The following COL13A1 variants were observed in gnomAD, a reference collection of about 807,000 sequenced individuals.
COL13A1 encodes collagen type XIII alpha 1 chain, also known as collagen alpha-1(XIII) chain.
Under a neutral mutation model 130.9 loss-of-function variants are expected in COL13A1, and 89 were observed. The ratio of observed to expected loss-of-function variants is 0.68; its 90% CI spans 0.57 to 0.81. The LOEUF is 0.81. Ranked by LOEUF, COL13A1 falls within the 30% of genes least tolerant of loss-of-function variation. The pLI, the probability that COL13A1 is intolerant of heterozygous loss-of-function variation, is 0.00. For synonymous variants in COL13A1, 402 were observed against 341.6 expected, an observed-to-expected ratio of 1.18 and a Z score of -1.95; for missense variants, 879 against 934.6, an observed-to-expected ratio of 0.94 and a Z score of 0.78.
chr10:69,810,167 G>C (rs923350263), intron 1 of COL13A1, among the ~76,000 whole-genome samples: 15 of 152,126 alleles, frequency 9.9e-5, no homozygotes, highest in Non-Finnish European at 1.9e-4. Flanking sequence ...GTCCTCAAAG[G>C]CTTGCCCTTG....
chr10:69,877,739 AC>A (rs2059743235), intron 5 of COL13A1: 4 of 375,246 alleles, frequency 1.1e-5, no homozygotes, highest in African/African-American at 6.7e-5. Flanking sequence ...ACACACACAC[AC>A]ACACACGTAC....
chr10:69,826,715 A>G (rs575064161), intron 2 of COL13A1, among the ~76,000 whole-genome samples: 1 of 152,348 alleles, frequency 6.6e-6, no homozygotes, highest in East Asian at 1.9e-4. Flanking sequence ...CATAGACACC[A>G]TAACAGGAGA....
At chr10:69,882,169 CG>C (rs1003022083) in intron 7 of COL13A1, among the ~76,000 whole-genome samples, 1 of 152,186 alleles carries the variant, frequency 6.6e-6, no homozygotes, top group Admixed American at 6.5e-5. Flanking sequence ...GGACTGAGCC[CG>C]GTGTGTTAGG....
chr10:69,894,320 T>A (rs1204923536), intron 10 of COL13A1, among the ~76,000 whole-genome samples: 3 of 152,206 alleles, frequency 2.0e-5, no homozygotes, highest in Non-Finnish European at 4.4e-5. Flanking sequence ...GTTGGAGGAA[T>A]GGATGAAAGA....
intron 26 of COL13A1, 111 bp downstream of exon 26, chr10:69,925,983 C>G (rs1233056283): frequency 1.2e-6 from 1 of 850,558 alleles, no homozygotes; most frequent in Admixed American, 2.2e-5. Flanking sequence ...GCCCTCAGGC[C>G]CTCAGGCAGC....
chr10:69,878,108 C>T (rs1564925164), intron 6 of COL13A1, 43 bp downstream of exon 6: 1 of 702,704 alleles, frequency 1.4e-6, no homozygotes. Context: ...CCAGCCTCCT[C>T]CTCCAGGTGG....
chr10:69,930,315 GGC>G, intron 29 of COL13A1, 83 bp from the exon 30 acceptor site: 2 of 1,315,760 alleles, frequency 1.5e-6, no homozygotes, highest in Non-Finnish European at 2.1e-6. Context: ...AAAGAGCCAA[GGC>G]CTTTGGACTT....
At position 69,847,297 on chromosome 10, in the gene COL13A1, C is replaced by T. The variant is rs1025983231; in HGVS notation, c.365-20501C>T. Among the ~76,000 whole-genome samples the T allele has an allele frequency of 5.9e-5, 9 of 152,326 alleles. 1 individual carries two copies. In the South Asian group the frequency reaches 1.9e-3, roughly 32 times the overall value. On this transcript the variant is annotated intron_variant, in intron 2 of 40. Coordinates refer to ENST00000645393, the MANE Select transcript of COL13A1 (RefSeq NM_001368882.1). Reference sequence around the variant, plus strand: ...TGAGTCAGGGCTGGGGTGTGGACCACTGTCCAAACTGTTGCTGTTGACCGC... The same window carrying T: ...TGAGTCAGGGCTGGGGTGTGGACCATTGTCCAAACTGTTGCTGTTGACCGC...
intron 2 of COL13A1, among the ~76,000 whole-genome samples, chr10:69,851,212 T>A (rs1179005215): frequency 6.6e-6 from 1 of 152,196 alleles, no homozygotes; most frequent in Non-Finnish European, 1.5e-5. Context: ...AATGAATACA[T>A]CTGTTCAGCT....
intron 2 of COL13A1, among the ~76,000 whole-genome samples, chr10:69,827,702 CTTGGTTGT>C (rs1489655857): frequency 6.6e-6 from 1 of 152,172 alleles, no homozygotes; most frequent in East Asian, 1.9e-4. Context: ...CCTCTCCAGC[CTTGGTTGT>C]TTTTCCACAG....
chr10:69,866,054 T>C (rs2058484102), intron 2 of COL13A1, among the ~76,000 whole-genome samples: 1 of 152,164 alleles, frequency 6.6e-6, no homozygotes. Flanking sequence ...GCAGTGACAA[T>C]GGTGGTGGCA....
chr10:69,811,697 G>A (rs879593173), intron 1 of COL13A1, among the ~76,000 whole-genome samples: 1 of 152,134 alleles, frequency 6.6e-6, no homozygotes, highest in East Asian at 1.9e-4. Context: ...ACACACCTCA[G>A]TGACGGGGAG....
chr10:69,906,314 C>T (rs1274854759), intron 17 of COL13A1, among the ~76,000 whole-genome samples: 1 of 152,188 alleles, frequency 6.6e-6, no homozygotes, highest in Non-Finnish European at 1.5e-5. Context: ...TGTCACAATT[C>T]TGTGGATTGA....
At chr10:69,896,320 C>T (rs374997383) in intron 13 of COL13A1, among the ~76,000 whole-genome samples, 4 of 152,058 alleles carry the variant, frequency 2.6e-5, no homozygotes, top group Admixed American at 6.5e-5. Context: ...GCAGCAGGGT[C>T]GATCTTGGGA....
intron 1 of COL13A1, among the ~76,000 whole-genome samples, chr10:69,806,292 C>T (rs1371244551): frequency 1.3e-5 from 2 of 152,196 alleles, no homozygotes; most frequent in Admixed American, 1.3e-4. Flanking sequence ...GGTGGGACTC[C>T]CATGCCAATG....
intron 27 of COL13A1, 112 bp downstream of exon 27, chr10:69,927,222 A>G: frequency 6.6e-7 from 1 of 1,523,500 alleles, no homozygotes; most frequent in South Asian, 1.1e-5. Context: ...ACTGGGCTGC[A>G]GATTAGGGTT....
In COL13A1 at chr10:69,957,038, A is replaced by G. The variant is rs1342491056; in HGVS notation, c.2180A>G (p.Asn727Ser). 6.2e-7 allele frequency: 1 copy of G among 1,613,630 alleles called. No individual in the cohort carries two copies. Among genetic ancestry groups the G allele is most frequent in the Admixed American group, 1.7e-5 (1 of 60,020 alleles). Residue 727 changes from asparagine (N) to serine (S), a missense_variant, in exon 40 of 41, where the codon AAC becomes AGC. Physicochemically the swap from Asn to Ser is conservative, Grantham distance 46. This residue lies in a region of COL13A1 where 68 missense variants were observed against 65.8 expected (regional missense o/e 1.03). Coordinates refer to ENST00000645393, the MANE Select transcript of COL13A1 (RefSeq NM_001368882.1). ...EDGLPVQGCW[N>S]K ...GGCTTACCAGTCCAAGGCTGCTGGA[A>G]CAAGGTAAGGCTTCCCATTGGTGTG... is the stretch of plus-strand genomic sequence containing the variant.
intron 14 of COL13A1, 65 bp from the exon 15 acceptor site, chr10:69,902,683 G>A (rs1409165213): frequency 2.2e-6 from 3 of 1,376,796 alleles, no homozygotes; most frequent in Non-Finnish European, 2.0e-6. Context: ...TGCATGGCCT[G>A]AGGGTGGGGG....
chr10:69,891,198 C>T (rs1263551698), intron 10 of COL13A1, among the ~76,000 whole-genome samples: 2 of 152,190 alleles, frequency 1.3e-5, no homozygotes, highest in Non-Finnish European at 2.9e-5. Context: ...TAACAAGTTG[C>T]TTTGCAATGA....
Sources: gnomAD v4.1 joint callset for allele counts (sites outside exome capture counted in the v4.1 genomes callset) on GRCh38, gnomAD v4.1.1 for gene constraint, gnomAD v4.1.1 regional missense constraint, MANE v1.5 for transcripts, NCBI Gene and HGNC (gene_info 2026-07-23, HGNC 2026-07-21) for gene names.